LRRC4C: variants seen among roughly 807,000 people sequenced by gnomAD.
LRRC4C encodes leucine-rich repeat-containing protein 4C.
A neutral mutation model predicts 33.6 loss-of-function variants in LRRC4C; 5 were observed. The observed-to-expected ratio is 0.15, with a 90% CI of 0.08 to 0.31. LRRC4C has a LOEUF of 0.31. Among genes scored for constraint, LRRC4C ranks in the 10% least tolerant of loss-of-function variants. LRRC4C has a pLI of 1.00. For missense variants in LRRC4C, 560 were observed against 796.7 expected (o/e 0.70, Z 3.58); for synonymous variants, 329 against 302.0 (o/e 1.09, Z -0.93).
At chr11:41,068,276 C>A (rs1185842971) in intron 1 of LRRC4C, among the ~76,000 whole-genome samples, 1 of 152,028 alleles carries the variant, frequency 6.6e-6, no homozygotes, top group Non-Finnish European at 1.5e-5. Context: ...TCCTATAATT[C>A]CAGCTATTCA....
chr11:40,651,534 C>G (rs1189893405), intron 2 of LRRC4C, among the ~76,000 whole-genome samples: 1 of 152,108 alleles, frequency 6.6e-6, no homozygotes, highest in African/African-American at 2.4e-5. Context: ...ATAAAGTATC[C>G]ATCTATTGGA....
At chr11:40,634,193 T>A (rs913317987) in intron 3 of LRRC4C, among the ~76,000 whole-genome samples, 2 of 152,228 alleles carry the variant, frequency 1.3e-5, no homozygotes, top group African/African-American at 2.4e-5. Flanking sequence ...GAAAACAGTA[T>A]AAACTAAGTG....
intron 1 of LRRC4C, among the ~76,000 whole-genome samples, chr11:41,154,651 A>G (rs866576171): frequency 6.6e-6 from 1 of 152,152 alleles, no homozygotes; most frequent in Non-Finnish European, 1.5e-5. Context: ...ATTCTGGTAA[A>G]CATTTAGACA....
chr11:41,116,525 A>G (rs1432806569), intron 1 of LRRC4C, among the ~76,000 whole-genome samples: 1 of 152,158 alleles, frequency 6.6e-6, no homozygotes, highest in Admixed American at 6.6e-5. Context: ...AGAGCAAAAT[A>G]CAGTAACAGT....
chr11:40,212,118 C>T (rs1863645572), intron 5 of LRRC4C, among the ~76,000 whole-genome samples: 3 of 152,072 alleles, frequency 2.0e-5, no homozygotes, highest in Admixed American at 2.0e-4. Context: ...TGTTTATTTG[C>T]CTGACAGTAT....
At chr11:40,310,557 A>C (rs1430342377) in intron 4 of LRRC4C, among the ~76,000 whole-genome samples, 1 of 152,188 alleles carries the variant, frequency 6.6e-6, no homozygotes, top group African/African-American at 2.4e-5. Context: ...TGTATCCTCC[A>C]ATCATCTTTA....
chr11:40,560,363 G>A (rs992480222), intron 3 of LRRC4C, among the ~76,000 whole-genome samples: 2 of 151,964 alleles, frequency 1.3e-5, no homozygotes, highest in South Asian at 2.1e-4. Flanking sequence ...AAATATTCAC[G>A]GACTTCCTAG....
chr11:41,355,107 T>C (rs1952114135), intron 1 of LRRC4C, among the ~76,000 whole-genome samples: 1 of 152,078 alleles, frequency 6.6e-6, no homozygotes, highest in Non-Finnish European at 1.5e-5. Flanking sequence ...GACAAGGATC[T>C]ATCCAGAATG....
intron 2 of LRRC4C, among the ~76,000 whole-genome samples, chr11:40,887,984 A>G (rs921430716): frequency 1.3e-5 from 2 of 151,980 alleles, no homozygotes; most frequent in Non-Finnish European, 2.9e-5. Context: ...ATTATTTTAA[A>G]AAAAGATATA....
At chr11:41,446,883 A>C (rs539598845) in intron 1 of LRRC4C, among the ~76,000 whole-genome samples, 1 of 152,324 alleles carries the variant, frequency 6.6e-6, no homozygotes, top group African/African-American at 2.4e-5. Context: ...CCAAAAGACC[A>C]TCTGTTTTAA....
At chr11:40,536,489 G>C (rs1328640625) in intron 3 of LRRC4C, among the ~76,000 whole-genome samples, 1 of 152,022 alleles carries the variant, frequency 6.6e-6, no homozygotes, top group East Asian at 1.9e-4. Flanking sequence ...ACCGTGCCCG[G>C]CCCCAAACAG....
intron 5 of LRRC4C, among the ~76,000 whole-genome samples, chr11:40,158,128 T>C (rs563674530): frequency 3.0e-4 from 46 of 152,224 alleles, no homozygotes; most frequent in African/African-American, 1.0e-3. Flanking sequence ...CTGGATGAGA[T>C]TGGAGACTAT....
At chr11:40,157,763 T>A (rs1858824388) in intron 5 of LRRC4C, among the ~76,000 whole-genome samples, 1 of 152,086 alleles carries the variant, frequency 6.6e-6, no homozygotes, top group Admixed American at 6.6e-5. Flanking sequence ...AAACAGTAGA[T>A]GCTGGCATGG....
chr11:40,992,887 G>T (rs1384134067), intron 1 of LRRC4C, among the ~76,000 whole-genome samples: 1 of 152,048 alleles, frequency 6.6e-6, no homozygotes, highest in Non-Finnish European at 1.5e-5. Flanking sequence ...ATCCTGATCT[G>T]CCAGTACAGA....
intron 2 of LRRC4C, among the ~76,000 whole-genome samples, chr11:40,732,308 G>A (rs1488439143): frequency 6.6e-6 from 1 of 152,078 alleles, no homozygotes; most frequent in African/African-American, 2.4e-5. Flanking sequence ...TTGGATGAAA[G>A]CTCTCCCAAA....
intron 2 of LRRC4C, among the ~76,000 whole-genome samples, chr11:40,764,649 G>T (rs1949367420): frequency 6.6e-6 from 1 of 152,154 alleles, no homozygotes; most frequent in South Asian, 2.1e-4. Flanking sequence ...GTCACTGCAG[G>T]TCTTGGGTGA....
chr11:40,262,617 T>C (rs1379464752), intron 4 of LRRC4C, among the ~76,000 whole-genome samples: 3 of 152,156 alleles, frequency 2.0e-5, no homozygotes, highest in Admixed American at 6.5e-5. Context: ...ATAAAGAACA[T>C]GTGGCACATA....
At chr11:40,849,492 G>A (rs1385097148) in intron 2 of LRRC4C, among the ~76,000 whole-genome samples, 1 of 152,158 alleles carries the variant, frequency 6.6e-6, no homozygotes. Flanking sequence ...GGCTTGCAGG[G>A]TTTCTGCAGA....
chr11:40,369,102 T>G (rs1948339258), intron 3 of LRRC4C, among the ~76,000 whole-genome samples: 2 of 152,204 alleles, frequency 1.3e-5, no homozygotes, highest in Non-Finnish European at 2.9e-5. Flanking sequence ...ATTGATAACC[T>G]GTCAGGTACC....
Sources: allele counts gnomAD v4.1 joint callset (sites outside exome capture counted in the v4.1 genomes callset), GRCh38; gene constraint gnomAD v4.1.1; transcripts MANE v1.5; gene names NCBI Gene and HGNC (gene_info 2026-07-23, HGNC 2026-07-21).